DDX6: variants seen among roughly 807,000 people sequenced by gnomAD.
The protein encoded by DDX6 is probable ATP-dependent RNA helicase DDX6.
Under a neutral mutation model 60.6 loss-of-function variants are expected in DDX6, and 7 were observed. That is an observed-to-expected ratio of 0.12 (90% confidence interval 0.07 to 0.22). The LOEUF (loss-of-function observed/expected upper bound fraction) is 0.22. Among genes scored for constraint, DDX6 ranks in the 10% least tolerant of loss-of-function variants. The probability of loss-of-function intolerance (pLI) is 1.00; values close to 1 mark genes in which losing one functional copy is unlikely to be tolerated. For missense variants in DDX6, 270 were observed against 589.9 expected, an observed-to-expected ratio of 0.46 and a Z score of 5.62; for synonymous variants, 207 against 201.0, an observed-to-expected ratio of 1.03 and a Z score of -0.25.
chr11:118,754,962 G>T, intron 12 of DDX6, 75 bp from the exon 13 acceptor site: 1 of 1,264,218 alleles, frequency 7.9e-7, no homozygotes, highest in Non-Finnish European at 1.1e-6. Flanking sequence ...TCAAGCAGTG[G>T]CAAAACCACA....
chr11:118,776,896 C>T (rs1861719866), intron 4 of DDX6, among the ~76,000 whole-genome samples: 1 of 150,718 alleles, frequency 6.6e-6, no homozygotes, highest in African/African-American at 2.4e-5. Context: ...ACATGAACTA[C>T]ATCATAGTAG....
intron 13 of DDX6, 44 bp from the exon 14 acceptor site, chr11:118,752,141 C>A (rs1159195528): frequency 4.6e-6 from 1 of 218,386 alleles, no homozygotes; most frequent in Non-Finnish European, 9.3e-6. Flanking sequence ...GAAAGCAACA[C>A]AAACTAGGAT....
At chr11:118,764,620 C>A (rs530818628) in intron 6 of DDX6, among the ~76,000 whole-genome samples, 1 of 151,942 alleles carries the variant, frequency 6.6e-6, no homozygotes, top group Non-Finnish European at 1.5e-5. Flanking sequence ...CTGGCTAATA[C>A]GGTGAAACCC....
At chr11:118,758,654 C>T (rs782643415) in intron 9 of DDX6, 120 bp downstream of exon 9, 20 of 1,243,172 alleles carry the variant, frequency 1.6e-5, no homozygotes, top group Non-Finnish European at 2.0e-5. Flanking sequence ...CATGAGCCAC[C>T]GTGCCAAGCC....
intron 7 of DDX6, among the ~76,000 whole-genome samples, chr11:118,760,370 G>C (rs962785259): frequency 2.6e-5 from 4 of 152,044 alleles, no homozygotes; most frequent in African/African-American, 9.7e-5. Context: ...TGGCATAATC[G>C]TATCTCACTG....
chr11:118,772,784 T>C (rs759894619), intron 4 of DDX6, among the ~76,000 whole-genome samples: 2 of 152,214 alleles, frequency 1.3e-5, no homozygotes, highest in Non-Finnish European at 2.9e-5. Flanking sequence ...TGTTGTGTTT[T>C]GGTTACTCTA....
intron 1 of DDX6, chr11:118,788,880 C>CAA (rs1288980425): frequency 6.6e-6 from 1 of 152,018 alleles, no homozygotes; most frequent in Non-Finnish European, 1.5e-5. Flanking sequence ...GGGGTGTTAT[C>CAA]AAGTTGGCCA....
At chr11:118,770,895 A>G (rs1226517609) in intron 4 of DDX6, among the ~76,000 whole-genome samples, 2 of 151,898 alleles carry the variant, frequency 1.3e-5, no homozygotes, top group East Asian at 3.8e-4. Context: ...AAAAAAAAAA[A>G]AAAGAGAGAG....
At chr11:118,771,682 A>G (rs150499894) in intron 4 of DDX6, among the ~76,000 whole-genome samples, 323 of 152,362 alleles carry the variant, frequency 2.1e-3, no homozygotes, top group African/African-American at 7.5e-3. Context: ...ACAACTTTCA[A>G]GTTAGGTACT....
intron 8 of DDX6, among the ~76,000 whole-genome samples, chr11:118,759,593 G>T (rs1555159730): frequency 6.6e-6 from 1 of 152,164 alleles, no homozygotes; most frequent in Non-Finnish European, 1.5e-5. Flanking sequence ...AAATTCTGCA[G>T]TATTTTGGAT....
At chr11:118,755,954 G>A (rs1259584070) in intron 11 of DDX6, among the ~76,000 whole-genome samples, 1 of 150,482 alleles carries the variant, frequency 6.6e-6, no homozygotes, top group Non-Finnish European at 1.5e-5. Context: ...GGAGGTGGAG[G>A]TTTCAGAGAG....
At chr11:118,767,347 C>T (rs1406099597) in intron 5 of DDX6, among the ~76,000 whole-genome samples, 1 of 152,164 alleles carries the variant, frequency 6.6e-6, no homozygotes, top group East Asian at 1.9e-4. Flanking sequence ...CTATTTACAT[C>T]ATATGAAAGT....
intron 3 of DDX6, among the ~76,000 whole-genome samples, chr11:118,780,104 G>C (rs1472605424): frequency 3.4e-5 from 3 of 89,254 alleles, no homozygotes; most frequent in Non-Finnish European, 5.9e-5. Context: ...GACAGAGCCA[G>C]ACTCTATCTC....
At position 118,781,198 on chromosome 11, in the gene DDX6, A is replaced by G. The variant is rs1861887593; in HGVS notation, c.201-14T>C. The stretch of plus-strand genomic sequence containing the variant: ...TCATCACCAGGTCTAGAGAGAATAC[A>G]GTAAACTTGAAGTATCAAAATTCAT... On this transcript the variant is annotated splice_polypyrimidine_tract_variant and intron_variant, in intron 2 of 13. Transcript: ENST00000534980. The G allele has an allele frequency of 1.3e-6, 2 of 1,559,188 alleles. No individual in the cohort carries two copies. The highest frequency in any genetic ancestry group is 1.8e-6 in the Non-Finnish European group (2 of 1,137,596).
chr11:118,753,866 G>T (rs1020416763), intron 13 of DDX6, among the ~76,000 whole-genome samples: 1 of 152,054 alleles, frequency 6.6e-6, no homozygotes, highest in Admixed American at 6.6e-5. Context: ...AGGCTGAGGC[G>T]GGTAGATCAC....
In DDX6 at chr11:118,786,133, T is replaced by C; in HGVS notation, c.119A>G (p.Gln40Arg). 1 of 1,614,004 alleles carries C rather than the reference T, an allele frequency of 6.2e-7. No homozygotes were observed. The highest frequency in any genetic ancestry group is 8.5e-7 in the Non-Finnish European group (1 of 1,179,904). ...GPGGGGTQTQ[Q>R]QMNQLKNTNT... ...GGTGTTTTTCAGCTGGTTCATCTGT[T>C]GCTGTGTCTGTGTGCCCCCTCCTCC... Residue 40 changes from glutamine to arginine, a missense_variant, in exon 2 of 14, where the codon CAA becomes CGA. Around this residue, in one of 8 missense-constraint regions of DDX6, gnomAD observed 102 missense variants for 110.5 expected, o/e 0.92. Coordinates refer to ENST00000534980, the MANE Select transcript of DDX6 (RefSeq NM_004397.6).
intron 1 of DDX6, chr11:118,790,848 A>C (rs1591935456): frequency 6.9e-6 from 1 of 143,908 alleles, no homozygotes. Flanking sequence ...CGACCCCACC[A>C]CCTCACCCCA....
In DDX6 at chr11:118,751,570, GGAAA is replaced by G. The variant is rs1311156889; in HGVS notation, c.*531_*534del. 1.4e-4 allele frequency: 21 copies of G among 152,734 alleles called. No individual in the cohort carries two copies. The highest frequency in any genetic ancestry group is 7.7e-4 in the East Asian group (4 of 5,186). The allele number at this position is 152,734 out of a possible 1,614,324, so 9.5% of individuals were successfully genotyped here. A position where few individuals can be genotyped will look rare whatever the true frequency, so the allele number is the denominator to read the frequency against. ...TTTTAAAAGAAAAAGAAAAAAAAAC[GGAAA>G]GAAAGAGTTACTATTGTTGATTCCT... On this transcript the variant is annotated 3_prime_UTR_variant, in exon 14 of 14. Transcript: ENST00000534980.
intron 5 of DDX6, 118 bp downstream of exon 5, chr11:118,768,101 AAAAG>A: frequency 1.0e-6 from 1 of 997,994 alleles, no homozygotes; most frequent in Non-Finnish European, 1.4e-6. Context: ...AAAAAACCTG[AAAAG>A]AAAGAATACA....
Sources: gnomAD v4.1 joint callset for allele counts (sites outside exome capture counted in the v4.1 genomes callset) on GRCh38, gnomAD v4.1.1 for gene constraint, gnomAD v4.1.1 regional missense constraint, MANE v1.5 for transcripts, NCBI Gene and HGNC (gene_info 2026-07-23, HGNC 2026-07-21) for gene names.